PDE4D: variants seen among roughly 807,000 people sequenced by gnomAD.
The protein encoded by PDE4D is phosphodiesterase 4D.
In PDE4D, 24 loss-of-function variants were observed where a neutral mutation model predicts 87.4. That is an observed-to-expected ratio of 0.27 (90% CI 0.20 to 0.39). The LOEUF is 0.39. PDE4D is among the 10% of genes least tolerant of loss of function. The pLI is 1.00. For synonymous variants in PDE4D, 384 were observed against 383.2 expected (o/e 1.00, Z -0.02); for missense variants, 714 against 1,041.0 (o/e 0.69, Z 4.32).
At chr5:59,754,886 A>G (rs1761008103) in intron 1 of PDE4D, among the ~76,000 whole-genome samples, 1 of 146,946 alleles carries the variant, frequency 6.8e-6, no homozygotes, top group Admixed American at 7.1e-5. Context: ...CAGAGTACCA[A>G]CATACTTTCT....
chr5:60,393,335 G>C (rs1032605173), intron 1 of PDE4D, among the ~76,000 whole-genome samples: 4 of 152,156 alleles, frequency 2.6e-5, no homozygotes, highest in African/African-American at 9.7e-5. Context: ...TAAGCCAAGA[G>C]AGTCTTTAAG....
At chr5:60,435,245 C>T (rs1170820252) in intron 1 of PDE4D, among the ~76,000 whole-genome samples, 1 of 152,070 alleles carries the variant, frequency 6.6e-6, no homozygotes, top group Non-Finnish European at 1.5e-5. Flanking sequence ...TACTAAATCT[C>T]TATCCTGAAT....
chr5:60,014,023 G>C (rs1765271681), intron 2 of PDE4D, among the ~76,000 whole-genome samples: 1 of 151,112 alleles, frequency 6.6e-6, no homozygotes, highest in Admixed American at 6.6e-5. Flanking sequence ...AACCCAGGAG[G>C]CGGAGGTTGC....
At position 59,356,953 on chromosome 5, in the gene PDE4D, T is replaced by C. The variant is rs1451809936; in HGVS notation, c.456-140985A>G. On this transcript the variant is annotated intron_variant, in intron 1 of 14. Transcript: ENST00000340635. ...GGAGCAGGAGGCACTTGTAGCTGAG[T>C]GAGGGCATTTCCTTTGTGCAGTGGT... is the stretch of plus-strand genomic sequence containing the variant. The C allele has an allele frequency of 4.4e-6, 6 of 1,356,940 alleles. No individual in the cohort carries two copies. In the African/African-American group the frequency reaches 4.5e-5, roughly 10 times the overall value. 84.1% of individuals were successfully genotyped at this position (1,356,940 alleles called of 1,614,324 possible).
chr5:59,803,401 C>T (rs765925283), intron 1 of PDE4D, among the ~76,000 whole-genome samples: 5 of 151,514 alleles, frequency 3.3e-5, no homozygotes, highest in East Asian at 1.9e-4. Flanking sequence ...CGGGTTCAAG[C>T]GATTCTCCTG....
At chr5:59,421,845 T>G (rs1430377120) in intron 1 of PDE4D, among the ~76,000 whole-genome samples, 1 of 152,124 alleles carries the variant, frequency 6.6e-6, no homozygotes, top group Non-Finnish European at 1.5e-5. Flanking sequence ...GTCTGATTAC[T>G]TTTGTACTCT....
chr5:59,801,476 G>C (rs1469156547), intron 1 of PDE4D, among the ~76,000 whole-genome samples: 1 of 152,174 alleles, frequency 6.6e-6, no homozygotes, highest in Non-Finnish European at 1.5e-5. Context: ...AACTTTAGGA[G>C]TGGGGTGGAA....
In PDE4D at chr5:59,761,923, C is replaced by T. The variant is rs565669695; in HGVS notation, c.455+131245G>A. 2.6e-5 allele frequency among the ~76,000 whole-genome samples: 4 copies of T among 152,134 alleles called. No homozygotes were observed. The East Asian group carries it at 7.7e-4, about 29-fold the overall frequency. On this transcript the variant is annotated intron_variant, in intron 1 of 14. Transcript: ENST00000340635. ...ACTGACAGCATGGTAGGTTTGTTTA[C>T]ACCAGCATGCCCACAAACACAAGAG...
At chr5:59,368,753 T>C (rs147273654) in intron 1 of PDE4D, among the ~76,000 whole-genome samples, 53 of 152,306 alleles carry the variant, frequency 3.5e-4, no homozygotes, top group African/African-American at 1.2e-3. Flanking sequence ...AGTTGAACAA[T>C]TGATTGGGAA....
At chr5:59,473,348 A>C (rs1802777326) in intron 1 of PDE4D, among the ~76,000 whole-genome samples, 1 of 152,102 alleles carries the variant, frequency 6.6e-6, no homozygotes, top group Non-Finnish European at 1.5e-5. Context: ...TCACATTATT[A>C]CAATAATGTT....
At chr5:59,905,523 C>G (rs146909189) in intron 3 of PDE4D, among the ~76,000 whole-genome samples, 161 of 152,188 alleles carry the variant, frequency 1.1e-3, no homozygotes, top group African/African-American at 3.9e-3. Context: ...GGCATTACAG[C>G]CAGAACGCCC....
At chr5:59,411,057 C>A (rs1181026129) in intron 1 of PDE4D, among the ~76,000 whole-genome samples, 1 of 152,144 alleles carries the variant, frequency 6.6e-6, no homozygotes, top group African/African-American at 2.4e-5. Flanking sequence ...TAAAGTGGCA[C>A]TGGTCTCCTA....
intron 1 of PDE4D, among the ~76,000 whole-genome samples, chr5:60,517,892 T>C (rs1007867209): frequency 1.3e-5 from 2 of 152,134 alleles, no homozygotes; most frequent in African/African-American, 4.8e-5. Context: ...TTGCTTGCCA[T>C]GTTGCAGGTG....
intron 3 of PDE4D, among the ~76,000 whole-genome samples, chr5:59,951,172 C>A (rs926335340): frequency 2.0e-5 from 3 of 151,980 alleles, no homozygotes; most frequent in Non-Finnish European, 2.9e-5. Context: ...GAAAAAAGAA[C>A]TAAGGAATAT....
chr5:60,406,384 G>A (rs1197093979), intron 1 of PDE4D, among the ~76,000 whole-genome samples: 4 of 152,118 alleles, frequency 2.6e-5, no homozygotes, highest in Non-Finnish European at 4.4e-5. Flanking sequence ...TCTATCTAAA[G>A]TAAAAAACAA....
At chr5:59,598,883 G>A (rs941741290) in intron 1 of PDE4D, among the ~76,000 whole-genome samples, 3 of 152,162 alleles carry the variant, frequency 2.0e-5, no homozygotes, top group South Asian at 2.1e-4. Flanking sequence ...GTTCAAGGCT[G>A]CAGTGGGTGA....
intron 2 of PDE4D, among the ~76,000 whole-genome samples, chr5:59,991,962 G>A (rs1763048116): frequency 2.0e-5 from 3 of 152,174 alleles, no homozygotes; most frequent in Non-Finnish European, 4.4e-5. Flanking sequence ...TACAGGGAGA[G>A]TCAGACCCAC....
intron 1 of PDE4D, among the ~76,000 whole-genome samples, chr5:59,387,803 C>T (rs1193312663): frequency 1.3e-5 from 2 of 152,016 alleles, no homozygotes; most frequent in African/African-American, 4.8e-5. Flanking sequence ...GGCAAGATCA[C>T]TAAAAATCTA....
chr5:60,191,558 A>C (rs999226056), intron 1 of PDE4D, among the ~76,000 whole-genome samples: 1 of 152,202 alleles, frequency 6.6e-6, no homozygotes, highest in African/African-American at 2.4e-5. Flanking sequence ...AGCCATGCAG[A>C]ACTGTAAGCC....
Sources: gnomAD v4.1 joint callset for allele counts (sites outside exome capture counted in the v4.1 genomes callset) on GRCh38, gnomAD v4.1.1 for gene constraint, MANE v1.5 for transcripts, NCBI Gene and HGNC (gene_info 2026-07-23, HGNC 2026-07-21) for gene names.